The following ARHGEF3 variants were observed in gnomAD, a reference collection of about 807,000 sequenced individuals.
The protein encoded by ARHGEF3 is 59.8 kDA protein.
In ARHGEF3, 28 loss-of-function variants were observed where a neutral mutation model predicts 63.2. The ratio of observed to expected loss-of-function variants is 0.44; its 90% CI spans 0.33 to 0.61. ARHGEF3 has a LOEUF of 0.61. Among genes scored for constraint, ARHGEF3 ranks in the 20% least tolerant of loss-of-function variants. The probability of loss-of-function intolerance (pLI) is 0.03; values close to 1 mark genes in which losing one functional copy is unlikely to be tolerated. For synonymous variants in ARHGEF3, 266 were observed against 254.2 expected (o/e 1.05, Z -0.44); for missense variants, 533 against 659.3 (o/e 0.81, Z 2.10).
intron 1 of ARHGEF3, among the ~76,000 whole-genome samples, 160 bp downstream of exon 1, chr3:56,801,540 AAAG>A (rs2037647756): frequency 1.3e-5 from 2 of 152,228 alleles, no homozygotes; most frequent in East Asian, 1.9e-4. Flanking sequence ...GGGGAGACAC[AAAG>A]AAGACTGTGG....
chr3:56,819,950 C>T (rs568756555), intron 4 of ARHGEF3, among the ~76,000 whole-genome samples: 1 of 152,142 alleles, frequency 6.6e-6, no homozygotes, highest in Non-Finnish European at 1.5e-5. Context: ...GCTGGGACTA[C>T]AGGCGTGCAC....
chr3:56,801,723 C>G lies in ARHGEF3; in HGVS notation c.76G>C (p.Gly26Arg), dbSNP rs574725560. The change falls in exon 1 of 10, where the codon GGT becomes CGT. Residue 26 changes from glycine to arginine, a missense_variant. Physicochemically the swap from Gly to Arg is moderately radical, Grantham distance 125. Coordinates refer to ENST00000296315, the MANE Select transcript of ARHGEF3 (RefSeq NM_019555.3). The part of the protein sequence containing the change: ...NCSLELPPAS[G>R]PAKDAEEPSN... ...CCTACCTCAGCGTCCTTGGCCGGAC[C>G]GCTGGCCGGGGGTAGCTCCAGGCTG... is the stretch of plus-strand genomic sequence containing the variant. 1.2e-5 allele frequency: 19 copies of G among 1,563,476 alleles called. No homozygotes were observed. Among genetic ancestry groups the G allele is most frequent in the Non-Finnish European group, 1.6e-5 (19 of 1,152,790 alleles).
chr3:56,792,113 A>AAAAAAAAAAGAAAAGAAAAGAAAAG lies in ARHGEF3; in HGVS notation c.96+9589_96+9590insCTTTTCTTTTCTTTTCTTTTTTTTT, dbSNP rs55899473. ...AGTGAGACTCTGTCTCAAAAAAAAA[A>AAAAAAAAAAGAAAAGAAAAGAAAAG]AAAAGAAAAGAAAAGAAAAGAAAAG... On this transcript the variant is annotated intron_variant, in intron 1 of 9. Coordinates refer to ENST00000296315, the MANE Select transcript of ARHGEF3 (RefSeq NM_019555.3). Among the ~76,000 whole-genome samples the AAAAAAAAAAGAAAAGAAAAGAAAAG allele has an allele frequency of 1.2e-4, 17 of 140,056 alleles. 1 individual carries two copies. The highest frequency in any genetic ancestry group is 5.0e-4 in the African/African-American group (17 of 33,712). The allele number at this position is 140,056 out of a possible 152,430, so 91.9% of individuals were successfully genotyped here. A position where few individuals can be genotyped will look rare whatever the true frequency, so the allele number is the denominator to read the frequency against.
chr3:56,754,115 C>T (rs1449109557), intron 3 of ARHGEF3, among the ~76,000 whole-genome samples: 1 of 152,200 alleles, frequency 6.6e-6, no homozygotes, highest in African/African-American at 2.4e-5. Flanking sequence ...GAAGTTAATT[C>T]ATTCTAAACC....
At chr3:56,745,861 T>C (rs1205606469) in intron 6 of ARHGEF3, among the ~76,000 whole-genome samples, 2 of 152,074 alleles carry the variant, frequency 1.3e-5, no homozygotes, top group African/African-American at 4.8e-5. Flanking sequence ...TTAGTAGAGA[T>C]GGGGTTTCAA....
intron 3 of ARHGEF3, among the ~76,000 whole-genome samples, chr3:56,923,607 C>T (rs1162905204): frequency 6.6e-6 from 1 of 152,040 alleles, no homozygotes; most frequent in Non-Finnish European, 1.5e-5. Flanking sequence ...TTTAATCTTA[C>T]AATGCTGACT....
intron 3 of ARHGEF3, among the ~76,000 whole-genome samples, chr3:56,911,505 T>C (rs1189465481): frequency 6.6e-6 from 1 of 152,072 alleles, no homozygotes; most frequent in East Asian, 1.9e-4. Context: ...AGCCACCCAT[T>C]GTTTCTGTCC....
intron 4 of ARHGEF3, among the ~76,000 whole-genome samples, chr3:56,850,302 G>A (rs1050056079): frequency 6.6e-6 from 1 of 152,234 alleles, no homozygotes; most frequent in Non-Finnish European, 1.5e-5. Context: ...GCCAAGGCAG[G>A]GGGATCACTT....
chr3:56,747,062 C>CAGAGAG (rs1247337100), intron 6 of ARHGEF3, among the ~76,000 whole-genome samples: 22 of 125,884 alleles, frequency 1.7e-4, no homozygotes, highest in Admixed American at 4.2e-4. Flanking sequence ...CGCACACACA[C>CAGAGAG]ACAGAGAGAG....
chr3:56,773,129 C>A (rs2036095806), intron 2 of ARHGEF3, among the ~76,000 whole-genome samples: 3 of 152,134 alleles, frequency 2.0e-5, no homozygotes, highest in Admixed American at 2.0e-4. Flanking sequence ...TAGTACAAAG[C>A]AGCCATGGAC....
intron 4 of ARHGEF3, among the ~76,000 whole-genome samples, chr3:56,852,699 G>T (rs916290445): frequency 1.1e-4 from 1 of 9,148 alleles, no homozygotes; most frequent in Non-Finnish European, 6.4e-4. Flanking sequence ...TGATTCACAT[G>T]CTGTAAAAAA....
chr3:57,049,554 T>G (rs1704590241), intron 1 of ARHGEF3, among the ~76,000 whole-genome samples: 1 of 152,118 alleles, frequency 6.6e-6, no homozygotes, highest in Non-Finnish European at 1.5e-5. Context: ...AAGACACAGC[T>G]CCAGCCCTAC....
chr3:57,013,999 C>A (rs1579089130), intron 2 of ARHGEF3, among the ~76,000 whole-genome samples: 1 of 152,232 alleles, frequency 6.6e-6, no homozygotes, highest in African/African-American at 2.4e-5. Context: ...CTGCTGCTCA[C>A]TCTTTGGATC....
chr3:56,971,840 C>A (rs897465420), intron 2 of ARHGEF3, among the ~76,000 whole-genome samples: 1 of 151,730 alleles, frequency 6.6e-6, no homozygotes, highest in East Asian at 1.9e-4. Flanking sequence ...GGCAACAGAG[C>A]GAGACTCCAT....
At chr3:57,073,352 A>G (rs1706038570) in intron 1 of ARHGEF3, 1 of 229,674 alleles carries the variant, frequency 4.4e-6, no homozygotes, top group Non-Finnish European at 8.5e-6. Context: ...AGGATTTCTT[A>G]TTTATGTTTC....
intron 3 of ARHGEF3, among the ~76,000 whole-genome samples, chr3:56,920,312 C>G (rs933651791): frequency 7.2e-5 from 11 of 152,162 alleles, no homozygotes; most frequent in Admixed American, 3.9e-4. Context: ...TCTTGTTGGG[C>G]TCTAAAGAGA....
intron 3 of ARHGEF3, among the ~76,000 whole-genome samples, chr3:56,883,160 C>CTTT (rs2040824435): frequency 6.6e-6 from 1 of 152,222 alleles, no homozygotes; most frequent in African/African-American, 2.4e-5. Flanking sequence ...GAAACTTAAA[C>CTTT]ATCTTCTCCA....
chr3:57,062,872 C>T (rs1265961144), intron 1 of ARHGEF3, among the ~76,000 whole-genome samples: 1 of 152,176 alleles, frequency 6.6e-6, no homozygotes, highest in Non-Finnish European at 1.5e-5. Flanking sequence ...TTGTCTGTAC[C>T]AGGCAAGGCA....
At chr3:56,864,147 T>C (rs1026784208) in intron 4 of ARHGEF3, among the ~76,000 whole-genome samples, 1 of 152,202 alleles carries the variant, frequency 6.6e-6, no homozygotes, top group Non-Finnish European at 1.5e-5. Context: ...AAAGCATAAA[T>C]GACACCCCTG....
Sources: allele counts gnomAD v4.1 joint callset (sites outside exome capture counted in the v4.1 genomes callset), GRCh38; gene constraint gnomAD v4.1.1; transcripts MANE v1.5; gene names NCBI Gene and HGNC (gene_info 2026-07-23, HGNC 2026-07-21).